GRIK2: variants seen among roughly 807,000 people sequenced by gnomAD.
GRIK2 encodes the protein glutamate ionotropic receptor kainate type subunit 2.
A neutral mutation model predicts 100.3 loss-of-function variants in GRIK2; 32 were observed. The ratio of observed to expected loss-of-function variants is 0.32; its 90% CI spans 0.24 to 0.43. GRIK2 has a LOEUF of 0.43. Among genes scored for constraint, GRIK2 ranks in the 20% least tolerant of loss-of-function variants. GRIK2 has a pLI of 1.00. For missense variants in GRIK2, 843 were observed against 1,114.9 expected, an observed-to-expected ratio of 0.76 and a Z score of 3.47; for synonymous variants, 417 against 389.4, an observed-to-expected ratio of 1.07 and a Z score of -0.83.
intron 11 of GRIK2, among the ~76,000 whole-genome samples, chr6:101,861,508 A>G (rs770485276): frequency 1.1e-4 from 17 of 152,174 alleles, no homozygotes; most frequent in Non-Finnish European, 2.4e-4. Flanking sequence ...TGTGAATGGC[A>G]GTTTTATATT....
At chr6:101,430,639 C>T (rs1217364294) in intron 2 of GRIK2, 1 of 166,718 alleles carries the variant, frequency 6.0e-6, no homozygotes, top group Non-Finnish European at 1.3e-5. Flanking sequence ...GCACACCACA[C>T]TTCATGACAG....
chr6:102,014,185 T>A (rs1400900829), intron 14 of GRIK2, among the ~76,000 whole-genome samples: 1 of 152,240 alleles, frequency 6.6e-6, no homozygotes, highest in Non-Finnish European at 1.5e-5. Context: ...CAGTAATTTA[T>A]TCATTAATTT....
intron 2 of GRIK2, among the ~76,000 whole-genome samples, chr6:101,531,821 C>G (rs1441424356): frequency 1.3e-5 from 2 of 151,744 alleles, no homozygotes; most frequent in Non-Finnish European, 2.9e-5. Context: ...GATCCTTGTT[C>G]TATCAGATTT....
At chr6:101,470,627 G>A (rs1771895567) in intron 2 of GRIK2, among the ~76,000 whole-genome samples, 1 of 152,052 alleles carries the variant, frequency 6.6e-6, no homozygotes, top group Non-Finnish European at 1.5e-5. Flanking sequence ...CTGGGGATGG[G>A]GGAAGAGTAG....
intron 10 of GRIK2, among the ~76,000 whole-genome samples, chr6:101,823,280 G>A (rs937184891): frequency 6.6e-6 from 1 of 152,100 alleles, no homozygotes; most frequent in Non-Finnish European, 1.5e-5. Flanking sequence ...CCTAGACCCA[G>A]TACATTGTAC....
At chr6:102,021,780 G>T (rs1173107959) in intron 14 of GRIK2, among the ~76,000 whole-genome samples, 1 of 151,236 alleles carries the variant, frequency 6.6e-6, no homozygotes, top group Non-Finnish European at 1.5e-5. Context: ...TATTAAGAAG[G>T]TTGAATTATA....
chr6:101,844,029 A>C (rs1433275093), intron 10 of GRIK2, among the ~76,000 whole-genome samples: 2 of 152,124 alleles, frequency 1.3e-5, no homozygotes, highest in Non-Finnish European at 2.9e-5. Context: ...TATTAAATAG[A>C]TTATACTGAA....
intron 12 of GRIK2, among the ~76,000 whole-genome samples, chr6:101,916,979 T>C (rs1789155745): frequency 6.6e-6 from 1 of 151,636 alleles, no homozygotes; most frequent in African/African-American, 2.4e-5. Flanking sequence ...ACTACAGATG[T>C]CATGAAAATG....
At chr6:101,451,379 A>G (rs570198534) in intron 2 of GRIK2, among the ~76,000 whole-genome samples, 1 of 151,712 alleles carries the variant, frequency 6.6e-6, no homozygotes, top group Non-Finnish European at 1.5e-5. Flanking sequence ...TTTGTATTTA[A>G]TATCTTTGAA....
chr6:101,830,081 A>G (rs1286341912), intron 10 of GRIK2, among the ~76,000 whole-genome samples: 1 of 152,156 alleles, frequency 6.6e-6, no homozygotes, highest in Non-Finnish European at 1.5e-5. Flanking sequence ...ATATAGACAC[A>G]TAAACCAATG....
At chr6:101,688,100 TA>T (rs1016897408) in intron 7 of GRIK2, among the ~76,000 whole-genome samples, 6 of 146,374 alleles carry the variant, frequency 4.1e-5, no homozygotes, top group Non-Finnish European at 6.0e-5. Flanking sequence ...ATATATTATA[TA>T]AAAATATTTA....
intron 7 of GRIK2, among the ~76,000 whole-genome samples, chr6:101,707,826 G>A (rs1259326655): frequency 6.6e-6 from 1 of 151,426 alleles, no homozygotes; most frequent in Non-Finnish European, 1.5e-5. Context: ...AGTAGTTCTA[G>A]ATGAGAATTC....
chr6:101,611,697 C>T (rs1028820503), intron 2 of GRIK2, among the ~76,000 whole-genome samples: 8 of 151,626 alleles, frequency 5.3e-5, no homozygotes, highest in South Asian at 2.1e-4. Context: ...TATTTTTCAG[C>T]GTGAAGTGGA....
intron 14 of GRIK2, among the ~76,000 whole-genome samples, chr6:102,005,740 TCCA>T (rs1216534809): frequency 3.4e-4 from 52 of 152,138 alleles, no homozygotes; most frequent in African/African-American, 1.2e-3. Context: ...TTATTTCTTA[TCCA>T]AGTGTATTAT....
At chr6:101,921,028 A>G (rs1422359751) in intron 12 of GRIK2, among the ~76,000 whole-genome samples, 1 of 152,062 alleles carries the variant, frequency 6.6e-6, no homozygotes, top group African/African-American at 2.4e-5. Flanking sequence ...CTGAACTAGT[A>G]TAGTGCCAAT....
intron 14 of GRIK2, among the ~76,000 whole-genome samples, chr6:102,007,364 T>G (rs2114295508): frequency 6.6e-6 from 1 of 152,244 alleles, no homozygotes. Context: ...AAGTAAAATT[T>G]GAAAACTGGA....
At chr6:101,802,558 A>G in intron 9 of GRIK2, 120 bp downstream of exon 9, 2 of 427,700 alleles carry the variant, frequency 4.7e-6, no homozygotes, top group Non-Finnish European at 4.2e-6. Flanking sequence ...CTCTAAAAAT[A>G]AATAGTTAAT....
intron 7 of GRIK2, among the ~76,000 whole-genome samples, chr6:101,717,335 T>C (rs1774143455): frequency 6.6e-6 from 1 of 151,836 alleles, no homozygotes; most frequent in Non-Finnish European, 1.5e-5. Flanking sequence ...TAACACTTTT[T>C]TTTAAAGTAA....
chr6:101,593,120 G>T (rs558653114), intron 2 of GRIK2, among the ~76,000 whole-genome samples: 1 of 151,978 alleles, frequency 6.6e-6, no homozygotes, highest in South Asian at 2.1e-4. Flanking sequence ...GAAGGTGTTT[G>T]ATACAATGAT....
Sources: gnomAD v4.1 joint callset for allele counts (sites outside exome capture counted in the v4.1 genomes callset) on GRCh38, gnomAD v4.1.1 for gene constraint, MANE v1.5 for transcripts, NCBI Gene and HGNC (gene_info 2026-07-23, HGNC 2026-07-21) for gene names.